Variants in CATSPERT observed in about 807,000 individuals in gnomAD.
CATSPERT encodes the protein cation channel sperm-associated targeting subunit tau.
At chr2:201,569,333 T>C in the CATSPERT span, among the ~76,000 whole-genome samples, 2 of 152,152 alleles carry the variant, frequency 1.3e-5, no homozygotes, top group Admixed American at 6.5e-5. Context: ...CTTATACAGA[T>C]GAGGTTAGAA....
chr2:201,528,312 G>A, the CATSPERT span, among the ~76,000 whole-genome samples: 1 of 152,182 alleles, frequency 6.6e-6, no homozygotes, highest in East Asian at 1.9e-4. Context: ...TACTGTTGGT[G>A]TAAATGTAAA....
At chr2:201,597,027 T>C in the CATSPERT span, among the ~76,000 whole-genome samples, 3 of 152,224 alleles carry the variant, frequency 2.0e-5, no homozygotes, top group Admixed American at 6.5e-5. Flanking sequence ...ACATTATAAA[T>C]GATAGAGACT....
At chr2:201,525,518 A>G in the CATSPERT span, among the ~76,000 whole-genome samples, 1 of 152,176 alleles carries the variant, frequency 6.6e-6, no homozygotes, top group South Asian at 2.1e-4. Context: ...GTCTTAAATT[A>G]ACAACCTAAT....
the CATSPERT span, among the ~76,000 whole-genome samples, chr2:201,590,931 T>C: frequency 6.6e-6 from 1 of 152,114 alleles, no homozygotes; most frequent in Non-Finnish European, 1.5e-5. Context: ...ATTTTGTAGG[T>C]TGCCTGTTCA....
At chr2:201,550,361 T>C in the CATSPERT span, 1 of 152,204 alleles carries the variant, frequency 6.6e-6, no homozygotes, top group African/African-American at 2.4e-5. Flanking sequence ...TCCACAACAA[T>C]ATGCCACAAT....
At chr2:201,584,148 A>G in the CATSPERT span, among the ~76,000 whole-genome samples, 28 of 152,138 alleles carry the variant, frequency 1.8e-4, no homozygotes, top group African/African-American at 6.5e-4. Flanking sequence ...AAAGTAGCCA[A>G]GCATGGTAGT....
the CATSPERT span, chr2:201,582,278 C>T: frequency 6.9e-7 from 1 of 1,443,752 alleles, no homozygotes; most frequent in Non-Finnish European, 9.4e-7. Context: ...TTTCTGAACA[C>T]ATACATCCAA....
the CATSPERT span, among the ~76,000 whole-genome samples, chr2:201,573,999 A>G: frequency 6.6e-6 from 1 of 152,236 alleles, no homozygotes; most frequent in African/African-American, 2.4e-5. Flanking sequence ...ATAAAATATC[A>G]TTGCTTTAAA....
the CATSPERT span, among the ~76,000 whole-genome samples, chr2:201,611,611 G>C: frequency 6.6e-6 from 1 of 151,784 alleles, no homozygotes; most frequent in Non-Finnish European, 1.5e-5. Flanking sequence ...AATAAAGATT[G>C]GAGCAGAAAT....
the CATSPERT span, among the ~76,000 whole-genome samples, chr2:201,609,160 T>A: frequency 6.6e-5 from 10 of 152,156 alleles, no homozygotes; most frequent in Non-Finnish European, 1.3e-4. Context: ...TCTAAATATA[T>A]TATGTACCCA....
the CATSPERT span, chr2:201,619,018 G>T: frequency 6.2e-7 from 1 of 1,614,076 alleles, no homozygotes; most frequent in Non-Finnish European, 8.5e-7. Flanking sequence ...CATGATATCC[G>T]GGCTGCTGTA....
chr2:201,564,170 CA>C, the CATSPERT span, among the ~76,000 whole-genome samples: 4 of 152,180 alleles, frequency 2.6e-5, no homozygotes, highest in African/African-American at 4.8e-5. Context: ...GAATAAACCA[CA>C]AAGAGACTAA....
chr2:201,601,647 T>C, the CATSPERT span: 1 of 1,251,690 alleles, frequency 8.0e-7, no homozygotes, highest in Non-Finnish European at 1.1e-6. Flanking sequence ...TTTGTTTCTT[T>C]TCTACTCATT....
chr2:201,580,785 T>C, the CATSPERT span, among the ~76,000 whole-genome samples: 1 of 152,216 alleles, frequency 6.6e-6, no homozygotes, highest in Non-Finnish European at 1.5e-5. Flanking sequence ...AACCACAAAA[T>C]GAGCTGCCGG....
chr2:201,604,899 A>C, the CATSPERT span, among the ~76,000 whole-genome samples: 1 of 152,180 alleles, frequency 6.6e-6, no homozygotes, highest in Non-Finnish European at 1.5e-5. Context: ...TAAAATTAAG[A>C]GAATCATGAA....
the CATSPERT span, among the ~76,000 whole-genome samples, chr2:201,569,895 T>G: frequency 1.3e-5 from 2 of 152,282 alleles, no homozygotes; most frequent in Admixed American, 6.5e-5. Flanking sequence ...CAAAAATGTC[T>G]GCTTAGGCCA....
At chr2:201,615,341 A>G in the CATSPERT span, among the ~76,000 whole-genome samples, 2 of 152,366 alleles carry the variant, frequency 1.3e-5, no homozygotes, top group South Asian at 4.1e-4. Context: ...AAGAACAGAA[A>G]TTATAACAGA....
the CATSPERT span, among the ~76,000 whole-genome samples, chr2:201,591,429 G>A: frequency 6.6e-6 from 1 of 152,144 alleles, no homozygotes; most frequent in African/African-American, 2.4e-5. Flanking sequence ...GATGCCTCCA[G>A]CTTTGTTCTT....
At chr2:201,502,014 G>A in the CATSPERT span, among the ~76,000 whole-genome samples, 1 of 152,088 alleles carries the variant, frequency 6.6e-6, no homozygotes, top group Non-Finnish European at 1.5e-5. Context: ...CCATCCTTCA[G>A]GTATCCTCCA....
Sources: allele counts gnomAD v4.1 joint callset (sites outside exome capture counted in the v4.1 genomes callset), GRCh38; gene constraint gnomAD v4.1.1; transcripts MANE v1.5; gene names NCBI Gene and HGNC (gene_info 2026-07-23, HGNC 2026-07-21).